Variants in CD53 observed in about 807,000 individuals in gnomAD.
CD53 encodes the protein CD53 molecule.
Under a neutral mutation model 27.3 loss-of-function variants are expected in CD53, and 20 were observed. The ratio of observed to expected loss-of-function variants is 0.73; its 90% CI spans 0.52 to 1.07. The LOEUF is 1.07. Ranked by LOEUF, CD53 falls within the 50% of genes least tolerant of loss-of-function variation. CD53 has a pLI of 0.00. For synonymous variants in CD53, 106 were observed against 105.3 expected (o/e 1.01, Z -0.04); for missense variants, 216 against 264.0 (o/e 0.82, Z 1.26).
intron 3 of CD53, among the ~76,000 whole-genome samples, chr1:110,893,191 TTGG>T: frequency 6.6e-6 from 1 of 152,386 alleles, no homozygotes; most frequent in Non-Finnish European, 1.5e-5. Flanking sequence ...AGAACAGAGC[TTGG>T]TGTAACAGTG....
At chr1:110,877,793 T>C (rs868387230) in intron 1 of CD53, among the ~76,000 whole-genome samples, 1 of 152,094 alleles carries the variant, frequency 6.6e-6, no homozygotes, top group African/African-American at 2.4e-5. Context: ...TACATGAGAG[T>C]TGATGCTTTG....
intron 1 of CD53, among the ~76,000 whole-genome samples, chr1:110,886,725 G>A (rs1204206990): frequency 5.3e-5 from 8 of 151,398 alleles, no homozygotes; most frequent in African/African-American, 1.9e-4. Context: ...GGCACGTGCT[G>A]TGGTCCCAGC....
intron 1 of CD53, among the ~76,000 whole-genome samples, chr1:110,874,423 T>C (rs1203969516): frequency 6.6e-6 from 1 of 152,166 alleles, no homozygotes; most frequent in Non-Finnish European, 1.5e-5. Context: ...GGAGAATATT[T>C]GTCTAGCAAA....
At chr1:110,893,970 G>A (rs1656956300) in intron 3 of CD53, among the ~76,000 whole-genome samples, 1 of 152,154 alleles carries the variant, frequency 6.6e-6, no homozygotes, top group Non-Finnish European at 1.5e-5. Context: ...CTTGTAGAAA[G>A]GACCAGGCCC....
chr1:110,881,006 G>T (rs1656332725), intron 1 of CD53, among the ~76,000 whole-genome samples: 2 of 152,198 alleles, frequency 1.3e-5, no homozygotes, highest in Admixed American at 1.3e-4. Flanking sequence ...CCAAAGTAAG[G>T]AAGGAAGCAT....
chr1:110,877,741 G>C (rs1030374791), intron 1 of CD53, among the ~76,000 whole-genome samples: 6 of 152,186 alleles, frequency 3.9e-5, no homozygotes, highest in African/African-American at 1.4e-4. Flanking sequence ...TAAGATAACA[G>C]ATATTCCTTG....
intron 1 of CD53, among the ~76,000 whole-genome samples, chr1:110,889,693 G>C (rs935746374): frequency 1.3e-5 from 2 of 152,166 alleles, no homozygotes; most frequent in Non-Finnish European, 2.9e-5. Flanking sequence ...TAAGGGATAA[G>C]TGTTGGCCCG....
At chr1:110,876,615 CT>C (rs1373928436) in intron 1 of CD53, among the ~76,000 whole-genome samples, 1 of 151,866 alleles carries the variant, frequency 6.6e-6, no homozygotes, top group Non-Finnish European at 1.5e-5. Context: ...TATGGCTTAC[CT>C]TATATCAGGA....
chr1:110,872,116 A>G (rs1452699714), upstream of CD53, among the ~76,000 whole-genome samples: 1 of 152,200 alleles, frequency 6.6e-6, no homozygotes, highest in African/African-American at 2.4e-5. Context: ...AGATGAAAAC[A>G]TTGGGGCCCA....
intron 1 of CD53, among the ~76,000 whole-genome samples, chr1:110,887,248 T>C (rs910203737): frequency 1.3e-5 from 2 of 152,024 alleles, no homozygotes; most frequent in African/African-American, 4.8e-5. Context: ...TATTTTTTAG[T>C]AGAGACGGGG....
At chr1:110,881,874 A>AT (rs1176293639) in intron 1 of CD53, among the ~76,000 whole-genome samples, 3 of 151,870 alleles carry the variant, frequency 2.0e-5, no homozygotes, top group Admixed American at 2.0e-4. Flanking sequence ...GAAGTAGAGA[A>AT]TTTTTTTCAT....
intron 1 of CD53, among the ~76,000 whole-genome samples, chr1:110,887,113 T>G (rs576898624): frequency 5.5e-4 from 83 of 151,242 alleles, no homozygotes; most frequent in Non-Finnish European, 9.7e-4. Flanking sequence ...ACCCAGGCTG[T>G]AGTGCAGTGG....
intron 5 of CD53, 38 bp from the exon 6 acceptor site, chr1:110,896,615 C>G: frequency 1.7e-5 from 27 of 1,593,724 alleles, no homozygotes; most frequent in Non-Finnish European, 2.3e-5. Context: ...TCACTGTTGA[C>G]TTTCTAACCA....
intron 3 of CD53, 38 bp from the exon 4 acceptor site, chr1:110,894,289 G>A (rs1368594870): frequency 1.3e-6 from 2 of 1,579,196 alleles, no homozygotes; most frequent in African/African-American, 1.3e-5. Flanking sequence ...GACGAGAATG[G>A]GGATCAGTGC....
intron 1 of CD53, among the ~76,000 whole-genome samples, chr1:110,891,097 G>C (rs1414750368): frequency 1.3e-5 from 2 of 152,240 alleles, no homozygotes; most frequent in Non-Finnish European, 2.9e-5. Context: ...CACTGGCCTG[G>C]TCTCTGTCAC....
At chr1:110,883,888 C>T (rs1399625105) in intron 1 of CD53, among the ~76,000 whole-genome samples, 1 of 151,832 alleles carries the variant, frequency 6.6e-6, no homozygotes, top group African/African-American at 2.4e-5. Context: ...TTCTCTCAAT[C>T]CTAATATTGA....
intron 1 of CD53, among the ~76,000 whole-genome samples, chr1:110,874,291 T>C (rs1363137115): frequency 2.6e-5 from 4 of 152,232 alleles, no homozygotes; most frequent in Non-Finnish European, 1.5e-5. Flanking sequence ...TTATTGAGCC[T>C]TGTATTAAAA....
In CD53 at chr1:110,899,148, A is replaced by T; in HGVS notation, c.613A>T (p.Thr205Ser). Residue 205 changes from threonine to serine, a missense_variant, in exon 8 of 8, where the codon ACC becomes TCC. Coordinates refer to ENST00000271324, the MANE Select transcript of CD53 (RefSeq NM_000560.4). ...IEVLGMSFAL[T>S]LNCQIDKTSQ... The stretch of plus-strand genomic sequence containing the variant: ...GGTGTTGGGGATGTCCTTTGCACTG[A>T]CCCTGAACTGCCAGATTGACAAAAC... The T allele has an allele frequency of 6.2e-7, 1 of 1,613,796 alleles. No individual in the cohort carries two copies. The highest frequency in any genetic ancestry group is 8.5e-7 in the Non-Finnish European group (1 of 1,179,834).
At chr1:110,876,902 T>A (rs1656150956) in intron 1 of CD53, among the ~76,000 whole-genome samples, 1 of 152,214 alleles carries the variant, frequency 6.6e-6, no homozygotes, top group African/African-American at 2.4e-5. Flanking sequence ...GGCTCTCTCA[T>A]TTGACAGTAA....
Sources: allele counts gnomAD v4.1 joint callset (sites outside exome capture counted in the v4.1 genomes callset), GRCh38; gene constraint gnomAD v4.1.1; transcripts MANE v1.5; gene names NCBI Gene and HGNC (gene_info 2026-07-23, HGNC 2026-07-21).